Variants in VSNL1 observed in about 807,000 individuals in gnomAD.
VSNL1 encodes the protein visinin-like protein 1.
VSNL1 carries 6 observed loss-of-function variants against 20.4 expected under a neutral mutation model. That is an observed-to-expected ratio of 0.29 (90% CI 0.16 to 0.58). The LOEUF (loss-of-function observed/expected upper bound fraction) is 0.58. Among genes scored for constraint, VSNL1 ranks in the 20% least tolerant of loss-of-function variants. The pLI is 0.90. For missense variants in VSNL1, 100 were observed against 234.5 expected (o/e 0.43, Z 3.75); for synonymous variants, 93 against 86.4 (o/e 1.08, Z -0.42).
chr2:17,548,599 A>G (rs1011089959), intron 1 of VSNL1, among the ~76,000 whole-genome samples: 3 of 152,168 alleles, frequency 2.0e-5, no homozygotes, highest in Non-Finnish European at 2.9e-5. Context: ...AGCTTGGAAT[A>G]TAAATAATTC....
At chr2:17,574,327 A>G (rs1664155307) in intron 1 of VSNL1, among the ~76,000 whole-genome samples, 1 of 152,166 alleles carries the variant, frequency 6.6e-6, no homozygotes, top group Non-Finnish European at 1.5e-5. Context: ...TAGCCCTATC[A>G]TCACATGAAA....
At chr2:17,640,918 G>A (rs1190170757) in intron 2 of VSNL1, among the ~76,000 whole-genome samples, 1 of 152,180 alleles carries the variant, frequency 6.6e-6, no homozygotes, top group Non-Finnish European at 1.5e-5. Flanking sequence ...TAGAACACTA[G>A]AACTTATTCC....
intron 1 of VSNL1, among the ~76,000 whole-genome samples, chr2:17,587,389 AC>A: frequency 6.6e-6 from 1 of 151,314 alleles, no homozygotes; most frequent in Non-Finnish European, 1.5e-5. Context: ...ACACACACAC[AC>A]ACACATATAT....
At chr2:17,563,951 A>G (rs747881881) in intron 1 of VSNL1, among the ~76,000 whole-genome samples, 6 of 152,116 alleles carry the variant, frequency 3.9e-5, no homozygotes, top group Non-Finnish European at 5.9e-5. Flanking sequence ...ACTTCTAAAT[A>G]GTCTTCTTAA....
At chr2:17,646,157 C>T (rs976655882) in intron 2 of VSNL1, among the ~76,000 whole-genome samples, 7 of 152,040 alleles carry the variant, frequency 4.6e-5, no homozygotes, top group African/African-American at 1.7e-4. Context: ...CTGTCCTTGA[C>T]ACATAGCAGC....
chr2:17,579,282 A>AT (rs1304193880), intron 1 of VSNL1, among the ~76,000 whole-genome samples: 1 of 151,854 alleles, frequency 6.6e-6, no homozygotes, highest in Non-Finnish European at 1.5e-5. Flanking sequence ...CGCCCGGCTA[A>AT]TTTTTTGTGT....
intron 1 of VSNL1, among the ~76,000 whole-genome samples, chr2:17,577,586 A>C (rs1664245855): frequency 6.6e-6 from 1 of 152,024 alleles, no homozygotes; most frequent in South Asian, 2.1e-4. Context: ...TCCTCTCTTG[A>C]GTCTTTGTTT....
chr2:17,598,376 T>C (rs1056978816), intron 2 of VSNL1, among the ~76,000 whole-genome samples: 15 of 152,364 alleles, frequency 9.8e-5, no homozygotes, highest in Non-Finnish European at 1.5e-4. Flanking sequence ...TCTGTGCAAA[T>C]GAAAACATTG....
intron 2 of VSNL1, among the ~76,000 whole-genome samples, chr2:17,611,526 T>C (rs1665087007): frequency 6.6e-6 from 1 of 152,218 alleles, no homozygotes. Context: ...CACTCACATA[T>C]GACTGCTGTG....
At chr2:17,637,970 C>T (rs1391423543) in intron 2 of VSNL1, among the ~76,000 whole-genome samples, 1 of 152,176 alleles carries the variant, frequency 6.6e-6, no homozygotes, top group African/African-American at 2.4e-5. Context: ...ACTCTCTAAG[C>T]AACTTGGACT....
intron 1 of VSNL1, among the ~76,000 whole-genome samples, chr2:17,587,177 G>T (rs766662232): frequency 1.6e-4 from 25 of 151,998 alleles, no homozygotes; most frequent in Middle Eastern, 3.2e-3. Context: ...CTCCATTTCA[G>T]CCACTCAGTT....
intron 2 of VSNL1, among the ~76,000 whole-genome samples, chr2:17,598,263 CCT>C (rs1164997277): frequency 1.3e-5 from 2 of 152,210 alleles, no homozygotes; most frequent in Admixed American, 1.3e-4. Context: ...AGGTGCATAA[CCT>C]CTGTCTTATA....
chr2:17,570,268 G>A (rs1395595744), intron 1 of VSNL1, among the ~76,000 whole-genome samples: 1 of 152,152 alleles, frequency 6.6e-6, no homozygotes, highest in African/African-American at 2.4e-5. Context: ...CATGCGTAGG[G>A]TAGAATAAAG....
intron 2 of VSNL1, among the ~76,000 whole-genome samples, chr2:17,636,776 G>T (rs1665760574): frequency 6.6e-6 from 1 of 151,594 alleles, no homozygotes; most frequent in Admixed American, 6.6e-5. Context: ...AATTCCTTAT[G>T]TGATTGGCAT....
intron 1 of VSNL1, among the ~76,000 whole-genome samples, chr2:17,555,650 A>G (rs1442182651): frequency 1.3e-5 from 2 of 152,166 alleles, no homozygotes; most frequent in African/African-American, 4.8e-5. Context: ...GAATTCACTC[A>G]TTTATGTTTT....
At chr2:17,632,600 A>G (rs1665661629) in intron 2 of VSNL1, among the ~76,000 whole-genome samples, 1 of 152,206 alleles carries the variant, frequency 6.6e-6, no homozygotes, top group African/African-American at 2.4e-5. Context: ...TGCCTGGCCA[A>G]ACAATGATCA....
chr2:17,611,406 C>T (rs1271943265), intron 2 of VSNL1, among the ~76,000 whole-genome samples: 5 of 152,194 alleles, frequency 3.3e-5, no homozygotes, highest in Non-Finnish European at 7.3e-5. Flanking sequence ...GACAGCAATG[C>T]CTTACACCCA....
At position 17,649,522 on chromosome 2, in the gene VSNL1, C is replaced by T; in HGVS notation, c.275C>T (p.Thr92Ile). 1 of 1,614,204 alleles carries T rather than the reference C, an allele frequency of 6.2e-7. No homozygotes were observed. The highest frequency in any genetic ancestry group is 8.5e-7 in the Non-Finnish European group (1 of 1,180,042). The change falls in exon 3 of 4, where the codon ACC becomes ATC. Residue 92 changes from threonine (T) to isoleucine (I), a missense_variant. Physicochemically the swap from Thr to Ile is moderately conservative, Grantham distance 89. Transcript: ENST00000295156. The surrounding 1 kb of genome is among the most constrained non-coding windows in gnomAD (Gnocchi z 6.4). The part of the protein sequence containing the change: ...FREFICALSI[T>I]SRGSFEQKLN... The stretch of plus-strand genomic sequence containing the variant: ...GAGTTCATCTGCGCTCTGTCCATCA[C>T]CTCCAGGGGCAGCTTTGAGCAGAAG...
intron 1 of VSNL1, among the ~76,000 whole-genome samples, chr2:17,561,737 T>A (rs967259623): frequency 5.3e-5 from 8 of 152,048 alleles, no homozygotes; most frequent in African/African-American, 1.9e-4. Context: ...CTGAGAGAAT[T>A]TAGGAGGTAG....
Sources: gnomAD v4.1 joint callset for allele counts (sites outside exome capture counted in the v4.1 genomes callset) on GRCh38, gnomAD v4.1.1 for gene constraint, Gnocchi (gnomAD v3.1) non-coding constraint, MANE v1.5 for transcripts, NCBI Gene and HGNC (gene_info 2026-07-23, HGNC 2026-07-21) for gene names.